The following NPR2 variants were observed in gnomAD, a reference collection of about 807,000 sequenced individuals.
NPR2 encodes the protein atrial natriuretic peptide receptor 2.
In NPR2, 49 loss-of-function variants were observed where a neutral mutation model predicts 120.7. The ratio of observed to expected loss-of-function variants is 0.41; its 90% CI spans 0.32 to 0.52. The LOEUF is 0.52. Among genes scored for constraint, NPR2 ranks in the 20% least tolerant of loss-of-function variants. The probability of loss-of-function intolerance (pLI) is 0.36; values close to 1 mark genes in which losing one functional copy is unlikely to be tolerated. For missense variants in NPR2, 931 were observed against 1,362.9 expected (o/e 0.68, Z 4.99); for synonymous variants, 484 against 519.8 (o/e 0.93, Z 0.94).
Position 35,792,004 on chromosome 9 carries a change from G to GT in NPR2, c.-403dup, listed in dbSNP as rs1249426573. On this transcript the variant is annotated 5_prime_UTR_variant, in exon 1 of 22. The change creates a premature stop within an existing upstream ORF in the 5' untranslated region. Transcript: ENST00000342694. ...CCCTCCCGGCCCTTTCAGCTGTGAG[G>GT]TTCCCCCAGGCCGTTTCTTTGTACC... 1 of 249,362 alleles carries GT rather than the reference G, an allele frequency of 4.0e-6. No individual in the cohort carries two copies. The highest frequency in any genetic ancestry group is 7.9e-6 in the Non-Finnish European group (1 of 127,128). 15.4% of individuals were successfully genotyped at this position (249,362 alleles called of 1,614,324 possible).
intron 12 of NPR2, among the ~76,000 whole-genome samples, chr9:35,803,463 CCT>C (rs1303733884): frequency 3.3e-5 from 5 of 152,136 alleles, no homozygotes; most frequent in African/African-American, 1.2e-4. Flanking sequence ...ATATTTATCT[CCT>C]GTTTTTCCTC....
Position 35,802,305 on chromosome 9 carries a change from C to CT in NPR2, c.1710+23dup. The CT allele has an allele frequency of 2.8e-6, 4 of 1,425,668 alleles. 1 individual carries two copies. Among genetic ancestry groups the CT allele is most frequent in the South Asian group, 2.3e-5 (2 of 87,254 alleles). The allele number at this position is 1,425,668 out of a possible 1,614,324, so 88.3% of individuals were successfully genotyped here. ...ACATGTATGTAACAGAGGATGGACTCTAACATGTATGTAATGGAGGAGTGG... is the reference window on the plus strand; with the variant it reads ...ACATGTATGTAACAGAGGATGGACTCTTAACATGTATGTAATGGAGGAGTGG... On this transcript the variant is annotated intron_variant, in intron 10 of 21. Coordinates refer to ENST00000342694, the MANE Select transcript of NPR2 (RefSeq NM_003995.4). This position sits in a 1 kb window ranked among gnomAD's most constrained non-coding sequence, Gnocchi z 4.2.
At chr9:35,793,610 G>A (rs1406663757) in intron 1 of NPR2, among the ~76,000 whole-genome samples, 1 of 152,156 alleles carries the variant, frequency 6.6e-6, no homozygotes, top group Non-Finnish European at 1.5e-5. Context: ...GGCCGGTTGG[G>A]TGGGGAGCAG....
rs917142256 is a variant in NPR2 at position 35,806,609 on chromosome 9, C to T, written c.2519+71C>T. Reference sequence around the variant, plus strand: ...CTGTTGGGCTCTGCCTCATCAGGCACCTGAGAACTCGCCTCCCCACCCTCA... The same window carrying T: ...CTGTTGGGCTCTGCCTCATCAGGCATCTGAGAACTCGCCTCCCCACCCTCA... On this transcript the variant is annotated intron_variant, in intron 16 of 21. Coordinates refer to ENST00000342694, the MANE Select transcript of NPR2 (RefSeq NM_003995.4). This position sits in a 1 kb window ranked among gnomAD's most constrained non-coding sequence, Gnocchi z 4.6. The T allele has an allele frequency of 1.3e-5, 20 of 1,565,362 alleles. No individual in the cohort carries two copies. The highest frequency in any genetic ancestry group is 1.6e-5 in the Non-Finnish European group (18 of 1,137,288).
chr9:35,800,088 A>G lies in NPR2; in HGVS notation c.1054A>G (p.Ile352Val), dbSNP rs1356402204. ...LLYAEVLNET[I>V]QEGGTREDGL... is the part of the protein sequence containing the mutation. ...ATATGCTGAAGTCCTGAATGAGACA[A>G]TACAGGAAGGAGGCACCCGGGAGGA... The change falls in exon 4 of 22, where the codon ATA (isoleucine) becomes GTA (valine). Residue 352 changes from isoleucine (I) to valine (V), a missense_variant. By Grantham distance (29) the Ile-to-Val change is conservative. This residue lies in a region of NPR2 where 681 missense variants were observed against 974.3 expected (regional missense o/e 0.70). Transcript: ENST00000342694. This position sits in a 1 kb window ranked among gnomAD's most constrained non-coding sequence, Gnocchi z 4.7. 6.2e-7 allele frequency: 1 copy of G among 1,614,138 alleles called. No individual in the cohort carries two copies. Among genetic ancestry groups the G allele is most frequent in the Non-Finnish European group, 8.5e-7 (1 of 1,179,986 alleles).
chr9:35,797,682 A>C (rs1827985356), intron 2 of NPR2, among the ~76,000 whole-genome samples: 1 of 150,038 alleles, frequency 6.7e-6, no homozygotes, highest in Non-Finnish European at 1.5e-5. Context: ...ATCCTCCTTC[A>C]CTTTCTCTCA....
chr9:35,808,766 G>T lies in NPR2; in HGVS notation c.2899G>T (p.Ala967Ser). 6.2e-7 allele frequency: 1 copy of T among 1,613,652 alleles called. No individual in the cohort carries two copies. Among genetic ancestry groups the T allele is most frequent in the Non-Finnish European group, 8.5e-7 (1 of 1,179,494 alleles). Residue 967 changes from alanine to serine, a missense_variant, in exon 20 of 22, where the codon GCT becomes TCT. This residue lies in a region of NPR2 where 184 missense variants were observed against 328.3 expected (regional missense o/e 0.56). Coordinates refer to ENST00000342694, the MANE Select transcript of NPR2 (RefSeq NM_003995.4). This position sits in a 1 kb window ranked among gnomAD's most constrained non-coding sequence, Gnocchi z 4.0. ...RIGVHTGPVC[A>S]GVVGLKMPRY... ...GTTTCTTCTCAAAGGGCCAGTCTGTGCTGGGGTTGTTGGCCTGAAGATGCC... is the reference window on the plus strand; with the variant it reads ...GTTTCTTCTCAAAGGGCCAGTCTGTTCTGGGGTTGTTGGCCTGAAGATGCC...
In NPR2 at chr9:35,806,978, CCTG is replaced by C; in HGVS notation, c.2520-42_2520-40del. On this transcript the variant is annotated intron_variant, in intron 16 of 21. Transcript: ENST00000342694. This position sits in a 1 kb window ranked among gnomAD's most constrained non-coding sequence, Gnocchi z 4.6. The stretch of plus-strand genomic sequence containing the variant: ...ATACACTTTCCCTCTCTCTTCCACT[CCTG>C]CTCTCTTGGAGTTTGGCTCATACGG... 6.2e-7 allele frequency: 1 copy of C among 1,610,836 alleles called. No homozygotes were observed.
Position 35,801,661 on chromosome 9 carries a change from G to GC in NPR2, c.1455_1456insC (p.Glu486ArgfsTer4). On this transcript the variant is annotated frameshift_variant, in exon 8 of 22. Coordinates refer to ENST00000342694, the MANE Select transcript of NPR2 (RefSeq NM_003995.4). LOFTEE classifies it high-confidence loss of function. ...CTTACAGAAAGCTGATGCTGGAGAA[G>GC]GAGCTGGCTAGCATGTTGTGGCGTA... The GC allele has an allele frequency of 6.2e-7, 1 of 1,614,184 alleles. No individual in the cohort carries two copies. The highest frequency in any genetic ancestry group is 8.5e-7 in the Non-Finnish European group (1 of 1,179,994).
chr9:35,806,106 C>T lies in NPR2; in HGVS notation c.2245C>T (p.Arg749Trp), dbSNP rs61758531. Residue 749 changes from arginine (R) to tryptophan (W), a missense_variant, in exon 15 of 22, where the codon CGG becomes TGG. Physicochemically the swap from Arg to Trp is moderately radical, Grantham distance 101. Coordinates refer to ENST00000342694, the MANE Select transcript of NPR2 (RefSeq NM_003995.4). This position sits in a 1 kb window ranked among gnomAD's most constrained non-coding sequence, Gnocchi z 4.6. ...ACGAAATGGTCAGCGGCCATATTTC[C>T]GGCCAAGCATTGACCGGACCCAACT... ...KVRNGQRPYF[R>W]PSIDRTQLNE... The T allele has an allele frequency of 3.7e-6, 6 of 1,614,042 alleles. No homozygotes were observed. The highest frequency in any genetic ancestry group is 1.7e-5 in the Admixed American group (1 of 60,006).
At chr9:35,797,389 A>C (rs1454260883) in intron 2 of NPR2, among the ~76,000 whole-genome samples, 1 of 152,234 alleles carries the variant, frequency 6.6e-6, no homozygotes, top group East Asian at 1.9e-4. Flanking sequence ...AACCTACATG[A>C]CCAGCATGAG....
rs1828344885 is a variant in NPR2 at position 35,805,690 on chromosome 9, C to T, written c.2047+20C>T. On this transcript the variant is annotated intron_variant, in intron 13 of 21. Coordinates refer to ENST00000342694, the MANE Select transcript of NPR2 (RefSeq NM_003995.4). The surrounding 1 kb of genome is among the most constrained non-coding windows in gnomAD (Gnocchi z 4.9). ...ATGCCAGTGAGGCCCACCCCCACAACCCACTTTTTATATTGCTCCTCTTTC... is the reference window on the plus strand; with the variant it reads ...ATGCCAGTGAGGCCCACCCCCACAATCCACTTTTTATATTGCTCCTCTTTC... 3 of 1,613,814 alleles carry T rather than the reference C, an allele frequency of 1.9e-6. No homozygotes were observed. Among genetic ancestry groups the T allele is most frequent in the Non-Finnish European group, 2.5e-6 (3 of 1,179,944 alleles).
Position 35,806,380 on chromosome 9 carries a change from G to C in NPR2, c.2373-12G>C. 1 of 1,613,602 alleles carries C rather than the reference G, an allele frequency of 6.2e-7. No individual in the cohort carries two copies. Among genetic ancestry groups the C allele is most frequent in the Non-Finnish European group, 8.5e-7 (1 of 1,179,574 alleles). On this transcript the variant is annotated splice_polypyrimidine_tract_variant and intron_variant, in intron 15 of 21. Coordinates refer to ENST00000342694, the MANE Select transcript of NPR2 (RefSeq NM_003995.4). The surrounding 1 kb of genome is among the most constrained non-coding windows in gnomAD (Gnocchi z 4.6). ...ATCTTAGAGCAAGTGCCTTATCCTG[G>C]CCTCCCTCTAGGGAGGGTGGCACCA...
chr9:35,793,031 G>A lies in NPR2; in HGVS notation c.623G>A (p.Gly208Glu). 1 of 1,607,556 alleles carries A rather than the reference G, an allele frequency of 6.2e-7. No homozygotes were observed. The highest frequency in any genetic ancestry group is 1.1e-5 in the South Asian group (1 of 90,994). ...CACCAGGTGTATGCCCGAGAGCCAG[G>A]GGGCCCCGAGCAGGCCACCCACTTC... is the stretch of plus-strand genomic sequence containing the variant. Reference protein sequence around the residue: ...VQHQVYAREPGGPEQATHFIR... With the variant: ...VQHQVYAREPEGPEQATHFIR... Residue 208 changes from glycine (G) to glutamate (E), a missense_variant, in exon 1 of 22, where the codon GGG (glycine) becomes GAG (glutamate). Gly to Glu is a moderately conservative substitution (Grantham distance 98). Transcript: ENST00000342694.
intron 2 of NPR2, among the ~76,000 whole-genome samples, chr9:35,795,784 T>A (rs1305201019): frequency 6.6e-6 from 1 of 152,236 alleles, no homozygotes. Flanking sequence ...CCAGAATCCC[T>A]AAGTGGGACT....
chr9:35,792,293 A>G lies in NPR2; in HGVS notation c.-116A>G. 2.7e-6 allele frequency: 3 copies of G among 1,099,800 alleles called. No individual in the cohort carries two copies. Among genetic ancestry groups the G allele is most frequent in the Non-Finnish European group, 2.5e-6 (2 of 787,022 alleles). The allele number at this position is 1,099,800 out of a possible 1,614,324, so 68.1% of individuals were successfully genotyped here. On this transcript the variant is annotated 5_prime_UTR_variant, in exon 1 of 22. Coordinates refer to ENST00000342694, the MANE Select transcript of NPR2 (RefSeq NM_003995.4). ...TTCTGCATCCCAGCCTACCTAGCCT[A>G]CTCCTCCTCTTCCTGGCCCTCTTCC...
Position 35,794,801 on chromosome 9 carries a change from G to A in NPR2, c.873+698G>A, listed in dbSNP as rs1002486478. On this transcript the variant is annotated intron_variant, in intron 2 of 21. Coordinates refer to ENST00000342694, the MANE Select transcript of NPR2 (RefSeq NM_003995.4). ...ATTAAGGAGAGCTCTAAGTCTTAAG[G>A]CACTAGGACTTGAATTTGGGGTCCT... 3.9e-5 allele frequency among the ~76,000 whole-genome samples: 6 copies of A among 151,988 alleles called. No individual in the cohort carries two copies. In the South Asian group the frequency reaches 8.3e-4, roughly 21 times the overall value.
Position 35,791,970 on chromosome 9 carries a change from G to A in NPR2, c.-439G>A, listed in dbSNP as rs1827794101. On this transcript the variant is annotated 5_prime_UTR_variant, in exon 1 of 22. Coordinates refer to ENST00000342694, the MANE Select transcript of NPR2 (RefSeq NM_003995.4). ...CCCCCTTGGTCCTATGTGGCGCAGCGCCCTCCTGCCCTCCCGGCCCTTTCA... is the reference window on the plus strand; with the variant it reads ...CCCCCTTGGTCCTATGTGGCGCAGCACCCTCCTGCCCTCCCGGCCCTTTCA... Among the ~76,000 whole-genome samples, 1 of 151,488 alleles carries A rather than the reference G, an allele frequency of 6.6e-6. No homozygotes were observed. The highest frequency in any genetic ancestry group is 6.6e-5 in the Admixed American group (1 of 15,236).
chr9:35,798,217 T>C (rs1000447302), intron 2 of NPR2, among the ~76,000 whole-genome samples: 2 of 152,248 alleles, frequency 1.3e-5, no homozygotes, highest in East Asian at 1.9e-4. Context: ...TAAATTGTGT[T>C]GAACCTGATC....
Sources: gnomAD v4.1 joint callset for allele counts (sites outside exome capture counted in the v4.1 genomes callset) on GRCh38, gnomAD v4.1.1 for gene constraint, gnomAD v4.1.1 regional missense constraint, Gnocchi (gnomAD v3.1) non-coding constraint, MANE v1.5 for transcripts, NCBI Gene and HGNC (gene_info 2026-07-23, HGNC 2026-07-21) for gene names.